ACOX2: variants seen among roughly 807,000 people sequenced by gnomAD.
ACOX2 encodes acyl-CoA oxidase 2.
Under a neutral mutation model 77.5 loss-of-function variants are expected in ACOX2, and 59 were observed. The ratio of observed to expected loss-of-function variants is 0.76; its 90% CI spans 0.62 to 0.95. ACOX2 has a LOEUF of 0.95. ACOX2 is among the 40% of genes least tolerant of loss of function. The pLI is 0.00. For missense variants in ACOX2, 837 were observed against 880.4 expected (o/e 0.95, Z 0.62); for synonymous variants, 317 against 340.1 (o/e 0.93, Z 0.75).
chr3:58,530,487 C>A lies in ACOX2; in HGVS notation c.971G>T (p.Arg324Leu). 6.2e-7 allele frequency: 1 copy of A among 1,614,016 alleles called. No homozygotes were observed. Among genetic ancestry groups the A allele is most frequent in the Non-Finnish European group, 8.5e-7 (1 of 1,179,886 alleles). The stretch of plus-strand genomic sequence containing the variant: ...TTGCCTGGGCCGGAGCCGGGATTGG[C>A]GGCGGATGACCGAGTAGCGCATGGC... ...VIAMRYSVIR[R>L]QSRLRPSDPE... Residue 324 changes from arginine (R) to leucine (L), a missense_variant, in exon 8 of 15, where the codon CGC (arginine) becomes CTC (leucine). Transcript: ENST00000302819.
chr3:58,510,197 A>G (rs1202288208), intron 13 of ACOX2, among the ~76,000 whole-genome samples: 1 of 152,004 alleles, frequency 6.6e-6, no homozygotes, highest in Non-Finnish European at 1.5e-5. Flanking sequence ...GGTAACTGGG[A>G]TACTGTATCC....
chr3:58,533,937 C>A lies in ACOX2; in HGVS notation c.475+57G>T, dbSNP rs1311132963. 1 of 1,594,322 alleles carries A rather than the reference C, an allele frequency of 6.3e-7. No homozygotes were observed. The highest frequency in any genetic ancestry group is 8.6e-7 in the Non-Finnish European group (1 of 1,166,826). Reference sequence around the variant, plus strand: ...CTATGACTACCTAGATGTAAATGGGCCCTCTGGAGTTTTGCAGTGCACAAC... The same window carrying A: ...CTATGACTACCTAGATGTAAATGGGACCTCTGGAGTTTTGCAGTGCACAAC... On this transcript the variant is annotated intron_variant, in intron 4 of 14. Transcript: ENST00000302819. The surrounding 1 kb of genome is among the most constrained non-coding windows in gnomAD (Gnocchi z 5.6).
intron 1 of ACOX2, among the ~76,000 whole-genome samples, chr3:58,536,781 C>A (rs2063484797): frequency 6.6e-6 from 1 of 152,188 alleles, no homozygotes; most frequent in Non-Finnish European, 1.5e-5. Context: ...CTCTTTAAAA[C>A]CCCAAGCCCC....
chr3:58,510,498 T>C (rs1338161618), intron 13 of ACOX2, among the ~76,000 whole-genome samples: 3 of 150,262 alleles, frequency 2.0e-5, no homozygotes, highest in African/African-American at 7.4e-5. Flanking sequence ...CCAGGTGTGG[T>C]GGTGTGTGCC....
chr3:58,517,122 G>A lies in ACOX2; in HGVS notation c.1850+84C>T, dbSNP rs1254373201. The stretch of plus-strand genomic sequence containing the variant: ...CTGTTGCTGCTCTGCCCATTAGCAA[G>A]GTTTTGGAGTTGGAAGTGACCTGTG... On this transcript the variant is annotated intron_variant, in intron 13 of 14. Transcript: ENST00000302819. 2.1e-6 allele frequency: 3 copies of A among 1,460,694 alleles called. No homozygotes were observed. The East Asian group carries it at 6.9e-5, about 33-fold the overall frequency. The allele number at this position is 1,460,694 out of a possible 1,614,324, so 90.5% of individuals were successfully genotyped here.
intron 13 of ACOX2, among the ~76,000 whole-genome samples, chr3:58,510,661 A>T (rs866475091): frequency 0.026 from 483 of 18,876 alleles, 41 homozygotes; most frequent in African/African-American, 0.037. Flanking sequence ...AAAAAAAAAA[A>T]AAATATATAT....
In ACOX2 at chr3:58,512,450, G is replaced by A. The variant is rs928190679; in HGVS notation, c.1851-3425C>T. ...AGCAAGCCTTTAAAAATACACATCAGATTCTTTTAGGTTGTGTCTATCCAA... is the reference window on the plus strand; with the variant it reads ...AGCAAGCCTTTAAAAATACACATCAAATTCTTTTAGGTTGTGTCTATCCAA... On this transcript the variant is annotated intron_variant, in intron 13 of 14. Coordinates refer to ENST00000302819, the MANE Select transcript of ACOX2 (RefSeq NM_003500.4). This position sits in a 1 kb window ranked among gnomAD's most constrained non-coding sequence, Gnocchi z 4.8. Among the ~76,000 whole-genome samples the A allele has an allele frequency of 1.3e-5, 2 of 152,140 alleles. No individual in the cohort carries two copies. The highest frequency in any genetic ancestry group is 3.8e-4 in the East Asian group (2 of 5,198).
In ACOX2 at chr3:58,531,419, G is replaced by T; in HGVS notation, c.704-53C>A. The T allele has an allele frequency of 1.3e-6, 2 of 1,514,932 alleles. No homozygotes were observed. Among genetic ancestry groups the T allele is most frequent in the Non-Finnish European group, 1.8e-6 (2 of 1,093,710 alleles). The allele number at this position is 1,514,932 out of a possible 1,614,324, so 93.8% of individuals were successfully genotyped here. On this transcript the variant is annotated intron_variant, in intron 6 of 14. Coordinates refer to ENST00000302819, the MANE Select transcript of ACOX2 (RefSeq NM_003500.4). This position sits in a 1 kb window ranked among gnomAD's most constrained non-coding sequence, Gnocchi z 5.8. ...TATCAGTTGAGAGAGTGCTTGCTAT[G>T]TGGCAGGTATCATACACACATTCCA...
Position 58,522,563 on chromosome 3 carries a change from G to T in ACOX2, c.1565C>A (p.Thr522Lys). The change falls in exon 12 of 15, where the codon ACG becomes AAG. Residue 522 changes from threonine to lysine, a missense_variant. Thr to Lys is a moderately conservative substitution (Grantham distance 78). Transcript: ENST00000302819. This position sits in a 1 kb window ranked among gnomAD's most constrained non-coding sequence, Gnocchi z 4.3. ...KDSVQHLQTLTQSGADQHEAW... is the reference protein window; with the variant it reads ...KDSVQHLQTLKQSGADQHEAW... ...CTCGTGCTGGTCAGCTCCGGATTGC[G>T]TCAGGGTCTGTAAATGCTGCACTGA... 1 of 1,614,190 alleles carries T rather than the reference G, an allele frequency of 6.2e-7. No individual in the cohort carries two copies. Among genetic ancestry groups the T allele is most frequent in the Non-Finnish European group, 8.5e-7 (1 of 1,180,032 alleles).
chr3:58,528,713 G>T lies in ACOX2; in HGVS notation c.1155+81C>A. ...GGTGGGGAGTGCCCATGGGGATGGGGCTGTGGCTGCTCCCCAGTGAGTGGA... is the reference window on the plus strand; with the variant it reads ...GGTGGGGAGTGCCCATGGGGATGGGTCTGTGGCTGCTCCCCAGTGAGTGGA... On this transcript the variant is annotated intron_variant, in intron 9 of 14. Transcript: ENST00000302819. The surrounding 1 kb of genome is among the most constrained non-coding windows in gnomAD (Gnocchi z 5.6). 6.8e-7 allele frequency: 1 copy of T among 1,472,160 alleles called. No homozygotes were observed. Among genetic ancestry groups the T allele is most frequent in the Non-Finnish European group, 9.0e-7 (1 of 1,108,130 alleles). 91.2% of individuals were successfully genotyped at this position (1,472,160 alleles called of 1,614,324 possible).
chr3:58,509,942 A>T (rs1192839824), intron 13 of ACOX2, among the ~76,000 whole-genome samples: 1 of 152,084 alleles, frequency 6.6e-6, no homozygotes, highest in South Asian at 2.1e-4. Flanking sequence ...TTCAGTATTT[A>T]TCTGAATGTC....
In ACOX2 at chr3:58,527,536, G is replaced by GA. The variant is rs71625626; in HGVS notation, c.1156-881dup. On this transcript the variant is annotated intron_variant, in intron 9 of 14. Transcript: ENST00000302819. ...GGGTGACAGAGTGAGACTGTCTCAG[G>GA]AAAAAAAAAAAAAAGAAAGAAAGAG... is the stretch of plus-strand genomic sequence containing the variant. 2.5e-3 allele frequency among the ~76,000 whole-genome samples: 269 copies of GA among 107,608 alleles called. 2 individuals carry two copies. Among genetic ancestry groups the GA allele is most frequent in the Admixed American group, 3.9e-3 (43 of 10,970 alleles). 70.6% of individuals were successfully genotyped at this position (107,608 alleles called of 152,430 possible).
Position 58,524,247 on chromosome 3 carries a change from TG to T in ACOX2, c.1526+178del, listed in dbSNP as rs1349697044. Among the ~76,000 whole-genome samples the T allele has an allele frequency of 6.6e-6, 1 of 152,076 alleles. No homozygotes were observed. Among genetic ancestry groups the T allele is most frequent in the Non-Finnish European group, 1.5e-5 (1 of 67,998 alleles). ...GGAAGTGACGGGGGTCCATGGCTGA[TG>T]GGGGGGACATCCCCTCTCTCTGCCC... On this transcript the variant is annotated intron_variant, in intron 11 of 14. Transcript: ENST00000302819. The surrounding 1 kb of genome is among the most constrained non-coding windows in gnomAD (Gnocchi z 5.5).
chr3:58,534,074 T>C lies in ACOX2; in HGVS notation c.395A>G (p.Glu132Gly), dbSNP rs931893254. 6.2e-7 allele frequency: 1 copy of C among 1,614,094 alleles called. No individual in the cohort carries two copies. The highest frequency in any genetic ancestry group is 8.5e-7 in the Non-Finnish European group (1 of 1,180,042). The change falls in exon 4 of 15, where the codon GAG becomes GGG. Residue 132 changes from glutamate (E) to glycine (G), a missense_variant. Transcript: ENST00000302819. This position sits in a 1 kb window ranked among gnomAD's most constrained non-coding sequence, Gnocchi z 4.8. ...TGGGTCCCATTTGGCAATCTGCTCC[T>C]CTGAGCCCAGGCTCCTGAGGGCTCT... ...FVRALRSLGS[E>G]EQIAKWDPLC... is the part of the protein sequence containing the mutation.
intron 14 of ACOX2, among the ~76,000 whole-genome samples, chr3:58,506,611 G>A (rs912935501): frequency 2.0e-5 from 3 of 152,252 alleles, no homozygotes; most frequent in East Asian, 1.9e-4. Flanking sequence ...TGGCCAACAT[G>A]GTGAAACCCC....
Position 58,512,880 on chromosome 3 carries a change from C to A in ACOX2, c.1851-3855G>T, listed in dbSNP as rs1460774602. Among the ~76,000 whole-genome samples the A allele has an allele frequency of 6.6e-6, 1 of 152,182 alleles. No homozygotes were observed. Among genetic ancestry groups the A allele is most frequent in the Non-Finnish European group, 1.5e-5 (1 of 68,038 alleles). On this transcript the variant is annotated intron_variant, in intron 13 of 14. Coordinates refer to ENST00000302819, the MANE Select transcript of ACOX2 (RefSeq NM_003500.4). The surrounding 1 kb of genome is among the most constrained non-coding windows in gnomAD (Gnocchi z 4.8). ...TGACTGTACGAGCAATAGGCTATACCATTTAGGCTTGTGTAAGTACACTCT... is the reference window on the plus strand; with the variant it reads ...TGACTGTACGAGCAATAGGCTATACAATTTAGGCTTGTGTAAGTACACTCT...
At chr3:58,520,639 G>A (rs1322459161) in intron 12 of ACOX2, among the ~76,000 whole-genome samples, 2 of 152,194 alleles carry the variant, frequency 1.3e-5, no homozygotes, top group African/African-American at 4.8e-5. Context: ...CACATTTATG[G>A]TTTCTAGATG....
rs1377299589 is a variant in ACOX2 at position 58,522,013 on chromosome 3, T to C, written c.1632+483A>G. ...GAAGTGTACCTGCTCTGGGATTCCA[T>C]AGCAGCCTGTATTTCCCTGTCATGG... On this transcript the variant is annotated intron_variant, in intron 12 of 14. Transcript: ENST00000302819. This position sits in a 1 kb window ranked among gnomAD's most constrained non-coding sequence, Gnocchi z 4.3. Among the ~76,000 whole-genome samples the C allele has an allele frequency of 6.6e-6, 1 of 152,220 alleles. No individual in the cohort carries two copies. Among genetic ancestry groups the C allele is most frequent in the Non-Finnish European group, 1.5e-5 (1 of 68,040 alleles).
chr3:58,528,722 G>T lies in ACOX2; in HGVS notation c.1155+72C>A. The T allele has an allele frequency of 1.3e-6, 2 of 1,483,656 alleles. No individual in the cohort carries two copies. Among genetic ancestry groups the T allele is most frequent in the Non-Finnish European group, 9.0e-7 (1 of 1,114,792 alleles). 91.9% of individuals were successfully genotyped at this position (1,483,656 alleles called of 1,614,324 possible). On this transcript the variant is annotated intron_variant, in intron 9 of 14. Transcript: ENST00000302819. This position sits in a 1 kb window ranked among gnomAD's most constrained non-coding sequence, Gnocchi z 5.6. ...TGCCCATGGGGATGGGGCTGTGGCT[G>T]CTCCCCAGTGAGTGGAACAATCTTA...
Sources: gnomAD v4.1 joint callset for allele counts (sites outside exome capture counted in the v4.1 genomes callset) on GRCh38, gnomAD v4.1.1 for gene constraint, Gnocchi (gnomAD v3.1) non-coding constraint, MANE v1.5 for transcripts, NCBI Gene and HGNC (gene_info 2026-07-23, HGNC 2026-07-21) for gene names.